The following PCBP3 variants were observed in gnomAD, a reference collection of about 807,000 sequenced individuals.
PCBP3 encodes poly(rC)-binding protein 3.
Under a neutral mutation model 52.7 loss-of-function variants are expected in PCBP3, and 25 were observed. The observed-to-expected ratio is 0.47, with a 90% CI of 0.35 to 0.66. PCBP3 has a LOEUF of 0.66. Ranked by LOEUF, PCBP3 falls within the 30% of genes least tolerant of loss-of-function variation. The probability of loss-of-function intolerance (pLI) is 0.01; values close to 1 mark genes in which losing one functional copy is unlikely to be tolerated. For missense variants in PCBP3, 391 were observed against 490.3 expected (o/e 0.80, Z 1.91); for synonymous variants, 162 against 183.0 (o/e 0.89, Z 0.93).
chr21:45,940,275 C>CG, intron 17 of PCBP3, 76 bp downstream of exon 17: 1 of 1,344,238 alleles, frequency 7.4e-7, no homozygotes, highest in Non-Finnish European at 1.0e-6. Context: ...CCTGGACGGT[C>CG]GGGGGGTGGG....
chr21:45,936,257 T>A (rs1206868270), intron 16 of PCBP3, among the ~76,000 whole-genome samples: 2 of 152,078 alleles, frequency 1.3e-5, no homozygotes, highest in Non-Finnish European at 2.9e-5. Context: ...GAGAGCAGGG[T>A]CGCCAGAGGA....
At chr21:45,870,038 A>ATTTAT (rs2094936241) in intron 5 of PCBP3, among the ~76,000 whole-genome samples, 1 of 150,124 alleles carries the variant, frequency 6.7e-6, no homozygotes, top group South Asian at 2.2e-4. Flanking sequence ...TTTTTATTGA[A>ATTTAT]TTTATTTTTG....
At chr21:45,834,285 C>T (rs570267952) in intron 4 of PCBP3, among the ~76,000 whole-genome samples, 1 of 152,350 alleles carries the variant, frequency 6.6e-6, no homozygotes, top group South Asian at 2.1e-4. Context: ...GTCCTGTCAC[C>T]AGCCGTCAGA....
chr21:45,909,315 G>A (rs777964849), intron 9 of PCBP3, 40 bp from the exon 10 acceptor site: 39 of 1,594,946 alleles, frequency 2.4e-5, no homozygotes, highest in Admixed American at 8.4e-5. Context: ...CTCACTGCAC[G>A]ACGCCTGAAG....
At chr21:45,920,243 C>T (rs1485526428) in intron 13 of PCBP3, among the ~76,000 whole-genome samples, 1 of 152,186 alleles carries the variant, frequency 6.6e-6, no homozygotes, top group South Asian at 2.1e-4. Context: ...CAGAGCCTAA[C>T]GTTCTCACTG....
At chr21:45,891,813 G>A (rs754947723) in intron 5 of PCBP3, among the ~76,000 whole-genome samples, 15 of 152,204 alleles carry the variant, frequency 9.9e-5, no homozygotes, top group African/African-American at 1.4e-4. Flanking sequence ...CTCTCTGAGC[G>A]CCTCCTCCCC....
intron 2 of PCBP3, among the ~76,000 whole-genome samples, chr21:45,699,918 C>T (rs1050053305): frequency 6.6e-6 from 1 of 152,196 alleles, no homozygotes; most frequent in African/African-American, 2.4e-5. Context: ...CATTCCGCCC[C>T]AGCCCCTCTC....
intron 13 of PCBP3, among the ~76,000 whole-genome samples, chr21:45,926,621 C>G (rs901883635): frequency 6.6e-6 from 1 of 152,122 alleles, no homozygotes; most frequent in South Asian, 2.1e-4. Context: ...GAGCTGCCCA[C>G]GAGAGCCTGG....
chr21:45,761,299 C>G (rs759817890), intron 4 of PCBP3: 1 of 152,142 alleles, frequency 6.6e-6, no homozygotes, highest in African/African-American at 2.4e-5. Flanking sequence ...TCTTTCTTTC[C>G]GCTCCATGGT....
chr21:45,649,643 C>A (rs928445953), intron 1 of PCBP3, among the ~76,000 whole-genome samples: 11 of 152,098 alleles, frequency 7.2e-5, no homozygotes, highest in African/African-American at 2.7e-4. Context: ...TTCTTTCTCC[C>A]TAGTTCTTAA....
chr21:45,726,315 A>G (rs1184295071), intron 2 of PCBP3, among the ~76,000 whole-genome samples: 1 of 152,068 alleles, frequency 6.6e-6, no homozygotes, highest in Non-Finnish European at 1.5e-5. Flanking sequence ...AATTTAGGAA[A>G]TTATCAGCAG....
chr21:45,702,009 C>T (rs1208220863), intron 2 of PCBP3, among the ~76,000 whole-genome samples: 2 of 152,162 alleles, frequency 1.3e-5, no homozygotes, highest in African/African-American at 4.8e-5. Context: ...ATACATTGTT[C>T]TGATTGAATT....
chr21:45,777,943 G>A (rs2090367838), intron 4 of PCBP3, among the ~76,000 whole-genome samples: 1 of 146,320 alleles, frequency 6.8e-6, no homozygotes, highest in Admixed American at 6.8e-5. Context: ...TATTGATGGA[G>A]AATTATTGTG....
At chr21:45,716,499 T>G (rs2084233802) in intron 2 of PCBP3, among the ~76,000 whole-genome samples, 1 of 152,174 alleles carries the variant, frequency 6.6e-6, no homozygotes, top group Admixed American at 6.5e-5. Flanking sequence ...GGGGACTCTC[T>G]CCTTGGTTTG....
intron 1 of PCBP3, among the ~76,000 whole-genome samples, chr21:45,644,697 A>G (rs2079142623): frequency 6.6e-6 from 1 of 152,160 alleles, no homozygotes; most frequent in Non-Finnish European, 1.5e-5. Flanking sequence ...CATGTGAGCC[A>G]GTAGCACTCT....
Position 45,909,443 on chromosome 21 carries a change from C to G in PCBP3, c.428C>G (p.Ser143Cys). The G allele has an allele frequency of 6.2e-7, 1 of 1,613,422 alleles. No homozygotes were observed. Among genetic ancestry groups the G allele is most frequent in the Non-Finnish European group, 8.5e-7 (1 of 1,179,774 alleles). ...GTGGTGCCTGCCAGCCAGTGTGGGT[C>G]CCTGATCGGCAAAGGAGGCTCCAAG... ...RLVVPASQCGSLIGKGGSKIK... is the reference protein window; with the variant it reads ...RLVVPASQCGCLIGKGGSKIK... Residue 143 changes from serine to cysteine, a missense_variant, in exon 10 of 18, where the codon TCC becomes TGC. Ser to Cys is a moderately radical substitution (Grantham distance 112, BLOSUM62 -1). Coordinates refer to ENST00000681687, the MANE Select transcript of PCBP3 (RefSeq NM_001384156.1).
chr21:45,668,108 G>A (rs371538741), intron 1 of PCBP3, among the ~76,000 whole-genome samples: 1 of 152,152 alleles, frequency 6.6e-6, no homozygotes, highest in African/African-American at 2.4e-5. Context: ...TGTCAGCTCA[G>A]TGTGAGAGCT....
intron 4 of PCBP3, among the ~76,000 whole-genome samples, chr21:45,796,852 C>T (rs1603430406): frequency 6.6e-6 from 1 of 152,228 alleles, no homozygotes; most frequent in African/African-American, 2.4e-5. Flanking sequence ...ATTTGTTTCC[C>T]AAACCTCTTA....
chr21:45,786,582 C>T (rs554234146), intron 4 of PCBP3, among the ~76,000 whole-genome samples: 76 of 152,198 alleles, frequency 5.0e-4, no homozygotes, highest in Non-Finnish European at 9.6e-4. Context: ...TGAGGCACCG[C>T]GCCTGGTCTT....
Sources: allele counts gnomAD v4.1 joint callset (sites outside exome capture counted in the v4.1 genomes callset), GRCh38; gene constraint gnomAD v4.1.1; transcripts MANE v1.5; gene names NCBI Gene and HGNC (gene_info 2026-07-23, HGNC 2026-07-21).